DPH6: variants seen among roughly 807,000 people sequenced by gnomAD.
DPH6 encodes diphthamine biosynthesis 6.
In DPH6, 33 loss-of-function variants were observed where a neutral mutation model predicts 38.2. That is an observed-to-expected ratio of 0.86 (90% CI 0.65 to 1.15). The LOEUF (loss-of-function observed/expected upper bound fraction) is 1.15, where lower values mean the gene tolerates loss of function less well. Ranked by LOEUF, DPH6 falls within the 50% of genes most tolerant of loss-of-function variation. The pLI is 0.00. For missense variants in DPH6, 325 were observed against 320.0 expected (o/e 1.02, Z -0.12); for synonymous variants, 108 against 103.0 (o/e 1.05, Z -0.30).
the DPH6 span, among the ~76,000 whole-genome samples, chr15:35,205,741 T>C: frequency 6.6e-6 from 1 of 152,100 alleles, no homozygotes; most frequent in Admixed American, 6.6e-5. Flanking sequence ...CTAGAATAAA[T>C]ACTGAGAATT....
chr15:35,364,131 G>A (rs1369707476), intron 3 of DPH6, among the ~76,000 whole-genome samples: 1 of 151,656 alleles, frequency 6.6e-6, no homozygotes, highest in African/African-American at 2.4e-5. Flanking sequence ...ATCCTTTGGT[G>A]TGGATATTTT....
chr15:35,407,252 AT>A (rs935585039), intron 6 of DPH6, among the ~76,000 whole-genome samples: 4 of 134,258 alleles, frequency 3.0e-5, no homozygotes, highest in South Asian at 2.5e-4. Context: ...GAATTTATGC[AT>A]TTTTTTTTAA....
the DPH6 span, among the ~76,000 whole-genome samples, chr15:35,159,548 T>TAA: frequency 4.0e-3 from 601 of 150,778 alleles, 4 homozygotes; most frequent in African/African-American, 0.014. Context: ...ATTAAAAAAT[T>TAA]AAAAAAAAAT....
chr15:35,402,330 T>C (rs545239620), intron 6 of DPH6, among the ~76,000 whole-genome samples: 1 of 152,274 alleles, frequency 6.6e-6, no homozygotes, highest in African/African-American at 2.4e-5. Context: ...CCAAGCAAAA[T>C]CGTGGAATTA....
the DPH6 span, among the ~76,000 whole-genome samples, chr15:35,190,182 A>C: frequency 6.6e-6 from 1 of 152,198 alleles, no homozygotes; most frequent in African/African-American, 2.4e-5. Context: ...TCTGGTCTTA[A>C]GGCAGATAAG....
At chr15:35,401,077 T>C (rs1278280041) in intron 6 of DPH6, 5 of 915,430 alleles carry the variant, frequency 5.5e-6, no homozygotes, top group South Asian at 2.6e-5. Context: ...TACAGAAAAA[T>C]TGAAGAAAAG....
chr15:35,373,483 T>C, intron 8 of DPH6, 38 bp downstream of exon 8: 1 of 1,560,248 alleles, frequency 6.4e-7, no homozygotes, highest in South Asian at 1.2e-5. Context: ...ATATCTCAAA[T>C]TTCTATTGAA....
intron 5 of DPH6, among the ~76,000 whole-genome samples, chr15:35,430,783 T>A (rs1320436777): frequency 1.3e-5 from 2 of 152,146 alleles, no homozygotes; most frequent in African/African-American, 4.8e-5. Flanking sequence ...GTTAAAAAAA[T>A]TATTATTTAG....
intron 3 of DPH6, among the ~76,000 whole-genome samples, chr15:35,305,069 A>G (rs985775771): frequency 6.6e-6 from 1 of 152,132 alleles, no homozygotes; most frequent in Non-Finnish European, 1.5e-5. Context: ...GAATTTTTAC[A>G]TGACCAACTC....
chr15:35,297,004 C>T (rs1376514327), intron 3 of DPH6, among the ~76,000 whole-genome samples: 2 of 152,124 alleles, frequency 1.3e-5, no homozygotes, highest in Non-Finnish European at 2.9e-5. Context: ...GCCTGATGAG[C>T]CCATATGCTG....
the DPH6 span, among the ~76,000 whole-genome samples, chr15:35,202,989 T>C: frequency 6.6e-6 from 1 of 151,814 alleles, no homozygotes; most frequent in East Asian, 1.9e-4. Context: ...AATAAAAAGA[T>C]TGCTTCAGGG....
chr15:35,533,760 T>C (rs940865723), intron 3 of DPH6, among the ~76,000 whole-genome samples: 1 of 151,508 alleles, frequency 6.6e-6, no homozygotes, highest in African/African-American at 2.4e-5. Flanking sequence ...AAAGAACCAA[T>C]GAAAAAAGGA....
At chr15:35,206,191 TTTG>T in the DPH6 span, among the ~76,000 whole-genome samples, 1 of 152,122 alleles carries the variant, frequency 6.6e-6, no homozygotes, top group African/African-American at 2.4e-5. Context: ...TCCTCTGGAT[TTTG>T]TTTATTTTTA....
At chr15:35,484,184 CAATG>C (rs1320643213) in intron 3 of DPH6, among the ~76,000 whole-genome samples, 1 of 152,132 alleles carries the variant, frequency 6.6e-6, no homozygotes, top group African/African-American at 2.4e-5. Flanking sequence ...AAATAAATAA[CAATG>C]AATAAGAGGT....
chr15:35,526,056 G>A (rs1175907368), intron 3 of DPH6, among the ~76,000 whole-genome samples: 1 of 152,110 alleles, frequency 6.6e-6, no homozygotes, highest in African/African-American at 2.4e-5. Flanking sequence ...ACTTGGATAA[G>A]GGTTAAAGAT....
chr15:35,330,091 A>G (rs556893662), downstream of DPH6, among the ~76,000 whole-genome samples: 2 of 152,296 alleles, frequency 1.3e-5, no homozygotes, highest in African/African-American at 2.4e-5. Flanking sequence ...GTTTCATTAT[A>G]TATTTCTACT....
chr15:35,205,521 T>C, the DPH6 span, among the ~76,000 whole-genome samples: 1 of 152,090 alleles, frequency 6.6e-6, no homozygotes, highest in Non-Finnish European at 1.5e-5. Flanking sequence ...ATAATTTACA[T>C]AGCCTATTTT....
At chr15:35,334,659 G>A (rs1211665302) in intron 3 of DPH6, among the ~76,000 whole-genome samples, 3 of 151,986 alleles carry the variant, frequency 2.0e-5, no homozygotes, top group Admixed American at 2.0e-4. Context: ...TGCAGTGTTT[G>A]GTTTTTCTGT....
chr15:35,360,826 G>A (rs1405955786), intron 3 of DPH6, among the ~76,000 whole-genome samples: 4 of 152,062 alleles, frequency 2.6e-5, no homozygotes, highest in Admixed American at 6.5e-5. Flanking sequence ...ATGGTAGATT[G>A]GGGCTAGAGC....
Sources: allele counts gnomAD v4.1 joint callset (sites outside exome capture counted in the v4.1 genomes callset), GRCh38; gene constraint gnomAD v4.1.1; transcripts MANE v1.5; gene names NCBI Gene and HGNC (gene_info 2026-07-23, HGNC 2026-07-21).